Variants in PEA15 observed in about 807,000 individuals in gnomAD.
PEA15 encodes astrocytic phosphoprotein PEA-15.
For missense variants in PEA15, 77 were observed against 161.3 expected, an observed-to-expected ratio of 0.48 and a Z score of 2.83; for synonymous variants, 60 against 61.8, an observed-to-expected ratio of 0.97 and a Z score of 0.13.
Position 160,213,894 on chromosome 1 carries a change from T to G in PEA15, c.*408T>G. 5.2e-6 allele frequency: 1 copy of G among 194,132 alleles called. No individual in the cohort carries two copies. The allele number at this position is 194,132 out of a possible 1,614,324, so 12.0% of individuals were successfully genotyped here. A position where few individuals can be genotyped will look rare whatever the true frequency, so the allele number is the denominator to read the frequency against. On this transcript the variant is annotated 3_prime_UTR_variant, in exon 4 of 4. Transcript: ENST00000360472. This position sits in a 1 kb window ranked among gnomAD's most constrained non-coding sequence, Gnocchi z 5.3. ...ACATAGGGGTAAGGTATGGGAGAGG[T>G]AGGTGGATCCAGGGAAAAGCAGTGG...
At chr1:160,207,391 CAG>C (rs1168288898) in intron 1 of PEA15, among the ~76,000 whole-genome samples, 2 of 152,146 alleles carry the variant, frequency 1.3e-5, no homozygotes, top group African/African-American at 2.4e-5. Context: ...AGAGTGGAAA[CAG>C]AGATGGGCTG....
chr1:160,211,740 C>T lies in PEA15; in HGVS notation c.172+24C>T, dbSNP rs570032273. ...AGGTGGGGGAGGGGAGCACAGGGGTCCTGTCATCAGTCATTCAGGCTCAGT... is the reference window on the plus strand; with the variant it reads ...AGGTGGGGGAGGGGAGCACAGGGGTTCTGTCATCAGTCATTCAGGCTCAGT... On this transcript the variant is annotated intron_variant, in intron 2 of 3. Coordinates refer to ENST00000360472, the MANE Select transcript of PEA15 (RefSeq NM_003768.5). 313 of 1,605,062 alleles carry T rather than the reference C, an allele frequency of 2.0e-4. 2 individuals are homozygous for T. The South Asian group carries it at 3.2e-3, about 17-fold the overall frequency.
Position 160,208,913 on chromosome 1 carries a change from G to C in PEA15, c.-2-2630G>C. On this transcript the variant is annotated intron_variant, in intron 1 of 3. Coordinates refer to ENST00000360472, the MANE Select transcript of PEA15 (RefSeq NM_003768.5). This position sits in a 1 kb window ranked among gnomAD's most constrained non-coding sequence, Gnocchi z 4.1. ...GGGGGTGGGGGGCACCCAGAACTGA[G>C]GTTGCTATAGTAACAGATGAGATGA... The C allele has an allele frequency of 1.9e-6, 1 of 517,948 alleles. No individual in the cohort carries two copies. Among genetic ancestry groups the C allele is most frequent in the Non-Finnish European group, 3.5e-6 (1 of 287,564 alleles). 32.1% of individuals were successfully genotyped at this position (517,948 alleles called of 1,614,324 possible).
At position 160,213,589 on chromosome 1, in the gene PEA15, C is replaced by T. The variant is rs1248148306; in HGVS notation, c.*103C>T. ...GGGCAACCCACCATCTACCCACTTA[C>T]TAACCTGGTCCTAACCCCCTTACTG... On this transcript the variant is annotated 3_prime_UTR_variant, in exon 4 of 4. Transcript: ENST00000360472. This position sits in a 1 kb window ranked among gnomAD's most constrained non-coding sequence, Gnocchi z 5.3. The T allele has an allele frequency of 2.1e-6, 2 of 963,770 alleles. No individual in the cohort carries two copies. Among genetic ancestry groups the T allele is most frequent in the African/African-American group, 1.6e-5 (1 of 61,902 alleles). 59.7% of individuals were successfully genotyped at this position (963,770 alleles called of 1,614,324 possible).
chr1:160,209,035 A>G (rs1407436363), intron 1 of PEA15, among the ~76,000 whole-genome samples: 2 of 151,798 alleles, frequency 1.3e-5, no homozygotes, highest in African/African-American at 4.8e-5. Flanking sequence ...TCCCAACTCC[A>G]GCTCTCTTTC....
Position 160,213,512 on chromosome 1 carries a change from T to C in PEA15, c.*26T>C, listed in dbSNP as rs371465689. The C allele has an allele frequency of 2.2e-5, 35 of 1,607,580 alleles. No homozygotes were observed. Among genetic ancestry groups the C allele is most frequent in the East Asian group, 4.5e-5 (2 of 44,826 alleles). ...GCAAGGGGGAGGAAGAGGAGGAAGG[T>C]TGGACCTTCATCAGACCACTCCCTT... On this transcript the variant is annotated 3_prime_UTR_variant, in exon 4 of 4. Coordinates refer to ENST00000360472, the MANE Select transcript of PEA15 (RefSeq NM_003768.5). This position sits in a 1 kb window ranked among gnomAD's most constrained non-coding sequence, Gnocchi z 5.3.
rs574448815 is a variant in PEA15, at chr1:160,208,800, G to A, written c.-2-2743G>A. The A allele has an allele frequency of 2.4e-5, 17 of 704,536 alleles. No homozygotes were observed. Among genetic ancestry groups the A allele is most frequent in the East Asian group, 2.2e-4 (8 of 36,538 alleles). The allele number at this position is 704,536 out of a possible 1,614,324, so 43.6% of individuals were successfully genotyped here. ...CAACTGGGCTGCCTTTCCTTGTACC[G>A]TCAGGGGGCCTTATTCCTATCCTTT... On this transcript the variant is annotated intron_variant, in intron 1 of 3. Coordinates refer to ENST00000360472, the MANE Select transcript of PEA15 (RefSeq NM_003768.5). This position sits in a 1 kb window ranked among gnomAD's most constrained non-coding sequence, Gnocchi z 4.1.
At position 160,213,514 on chromosome 1, in the gene PEA15, G is replaced by A. The variant is rs373598990; in HGVS notation, c.*28G>A. ...AAGGGGGAGGAAGAGGAGGAAGGTT[G>A]GACCTTCATCAGACCACTCCCTTCC... On this transcript the variant is annotated 3_prime_UTR_variant, in exon 4 of 4. Coordinates refer to ENST00000360472, the MANE Select transcript of PEA15 (RefSeq NM_003768.5). This position sits in a 1 kb window ranked among gnomAD's most constrained non-coding sequence, Gnocchi z 5.3. The A allele has an allele frequency of 5.0e-6, 8 of 1,603,956 alleles. No homozygotes were observed. The highest frequency in any genetic ancestry group is 6.8e-6 in the Non-Finnish European group (8 of 1,171,056).
Position 160,214,224 on chromosome 1 carries a change from A to C in PEA15, c.*738A>C, listed in dbSNP as rs1468305852. ...GAGAGGGGAGCCCCCTCTTCCACTC[A>C]GTTGTTCCTACTCAGACTGTTGCAC... On this transcript the variant is annotated 3_prime_UTR_variant, in exon 4 of 4. Transcript: ENST00000360472. 1 of 152,772 alleles carries C rather than the reference A, an allele frequency of 6.5e-6. No homozygotes were observed. Among genetic ancestry groups the C allele is most frequent in the Non-Finnish European group, 1.5e-5 (1 of 68,182 alleles). 9.5% of individuals were successfully genotyped at this position (152,772 alleles called of 1,614,324 possible).
In PEA15 at chr1:160,205,420, AGCGGCGGCGGCG is replaced by A; in HGVS notation, c.-97_-86del. On this transcript the variant is annotated 5_prime_UTR_variant, in exon 1 of 4. Transcript: ENST00000360472. This position sits in a 1 kb window ranked among gnomAD's most constrained non-coding sequence, Gnocchi z 5.9. ...CGGAAGAGGCGGCGGCGGCGGCAGA[AGCGGCGGCGGCG>A]GCGGCGGGAGCCGAGGAGGAGGTTC... 5.5e-6 allele frequency: 1 copy of A among 182,310 alleles called. No individual in the cohort carries two copies. The highest frequency in any genetic ancestry group is 1.7e-4 in the East Asian group (1 of 5,834). 11.3% of individuals were successfully genotyped at this position (182,310 alleles called of 1,614,324 possible).
rs1182546829 is a variant in PEA15 at position 160,208,899 on chromosome 1, G to T, written c.-2-2644G>T. ...TCATCCTAACGACTGGGGGTGGGGGGCACCCAGAACTGAGGTTGCTATAGT... is the reference window on the plus strand; with the variant it reads ...TCATCCTAACGACTGGGGGTGGGGGTCACCCAGAACTGAGGTTGCTATAGT... On this transcript the variant is annotated intron_variant, in intron 1 of 3. Coordinates refer to ENST00000360472, the MANE Select transcript of PEA15 (RefSeq NM_003768.5). This position sits in a 1 kb window ranked among gnomAD's most constrained non-coding sequence, Gnocchi z 4.1. The T allele has an allele frequency of 3.7e-6, 2 of 535,926 alleles. No individual in the cohort carries two copies. Among genetic ancestry groups the T allele is most frequent in the Non-Finnish European group, 6.7e-6 (2 of 298,872 alleles). 33.2% of individuals were successfully genotyped at this position (535,926 alleles called of 1,614,324 possible).
chr1:160,213,647 CTG>C lies in PEA15; in HGVS notation c.*163_*164del, dbSNP rs1311938940. 1 of 372,220 alleles carries C rather than the reference CTG, an allele frequency of 2.7e-6. No individual in the cohort carries two copies. Among genetic ancestry groups the C allele is most frequent in the African/African-American group, 2.2e-5 (1 of 44,646 alleles). The allele number at this position is 372,220 out of a possible 1,614,324, so 23.1% of individuals were successfully genotyped here. On this transcript the variant is annotated 3_prime_UTR_variant, in exon 4 of 4. Transcript: ENST00000360472. This position sits in a 1 kb window ranked among gnomAD's most constrained non-coding sequence, Gnocchi z 5.3. ...GTGTGTGCGTGTGCGCACGCTCTGG[CTG>C]TTTGTCTATATGTCTAGCTCATCTA...
At chr1:160,206,920 G>A (rs1654620595) in intron 1 of PEA15, among the ~76,000 whole-genome samples, 1 of 152,154 alleles carries the variant, frequency 6.6e-6, no homozygotes, top group Non-Finnish European at 1.5e-5. Flanking sequence ...CTAGGCTGCA[G>A]GCTTCCCTGG....
In PEA15 at chr1:160,211,786, A is replaced by G. The variant is rs1654886204; in HGVS notation, c.172+70A>G. 8 of 1,466,722 alleles carry G rather than the reference A, an allele frequency of 5.5e-6. No individual in the cohort carries two copies. The Middle Eastern group carries it at 7.1e-4, about 130-fold the overall frequency. 90.9% of individuals were successfully genotyped at this position (1,466,722 alleles called of 1,614,324 possible). ...TCAGTTCATTCAGCAAATAGAGATGAGCTCAAAGCTTTTACATCCACAATG... is the reference window on the plus strand; with the variant it reads ...TCAGTTCATTCAGCAAATAGAGATGGGCTCAAAGCTTTTACATCCACAATG... On this transcript the variant is annotated intron_variant, in intron 2 of 3. Coordinates refer to ENST00000360472, the MANE Select transcript of PEA15 (RefSeq NM_003768.5).
rs1204125603 is a variant in PEA15 at position 160,213,771 on chromosome 1, A to T, written c.*285A>T. 2.4e-6 allele frequency: 1 copy of T among 409,742 alleles called. No individual in the cohort carries two copies. The highest frequency in any genetic ancestry group is 4.5e-6 in the Non-Finnish European group (1 of 220,954). The allele number at this position is 409,742 out of a possible 1,614,324, so 25.4% of individuals were successfully genotyped here. A position where few individuals can be genotyped will look rare whatever the true frequency, so the allele number is the denominator to read the frequency against. On this transcript the variant is annotated 3_prime_UTR_variant, in exon 4 of 4. Transcript: ENST00000360472. The surrounding 1 kb of genome is among the most constrained non-coding windows in gnomAD (Gnocchi z 5.3). Reference sequence around the variant, plus strand: ...TGGGGGCTATTTCTATGCAAATAGAAATCAGCACATTCCTCCTACTTCCCT... The same window carrying T: ...TGGGGGCTATTTCTATGCAAATAGATATCAGCACATTCCTCCTACTTCCCT...
At position 160,208,039 on chromosome 1, in the gene PEA15, T is replaced by G. The variant is rs576796842; in HGVS notation, c.-3+2517T>G. Among the ~76,000 whole-genome samples the G allele has an allele frequency of 6.6e-5, 10 of 152,294 alleles. No homozygotes were observed. Among genetic ancestry groups the G allele is most frequent in the Admixed American group, 5.2e-4 (8 of 15,308 alleles). ...TAATCTTCAGGCTTCCTTCTCGAAT[T>G]TACAGAGGATTTGGAACCAAACGTT... is the stretch of plus-strand genomic sequence containing the variant. On this transcript the variant is annotated intron_variant, in intron 1 of 3. Transcript: ENST00000360472. The surrounding 1 kb of genome is among the most constrained non-coding windows in gnomAD (Gnocchi z 4.1).
intron 2 of PEA15, among the ~76,000 whole-genome samples, chr1:160,211,935 T>C (rs1389040735): frequency 6.6e-6 from 1 of 152,148 alleles, no homozygotes; most frequent in Non-Finnish European, 1.5e-5. Flanking sequence ...TTATCACATA[T>C]ACAACAGAAC....
rs1655009318 is a variant in PEA15, at chr1:160,214,274, T to C, written c.*788T>C. ...CTCTAAACCTAGGGAGGTTGAAGAA[T>C]GAGACCCTTAGGTTTTAACACGAAT... On this transcript the variant is annotated 3_prime_UTR_variant, in exon 4 of 4. Coordinates refer to ENST00000360472, the MANE Select transcript of PEA15 (RefSeq NM_003768.5). The C allele has an allele frequency of 6.6e-6, 1 of 152,638 alleles. No homozygotes were observed. 9.5% of individuals were successfully genotyped at this position (152,638 alleles called of 1,614,324 possible).
intron 2 of PEA15, among the ~76,000 whole-genome samples, chr1:160,212,654 T>C (rs1055402783): frequency 3.3e-5 from 5 of 151,808 alleles, no homozygotes; most frequent in Non-Finnish European, 7.4e-5. Context: ...TCATTTAGAA[T>C]AACCTTTCTC....
Sources: allele counts gnomAD v4.1 joint callset (sites outside exome capture counted in the v4.1 genomes callset), GRCh38; gene constraint gnomAD v4.1.1; non-coding constraint Gnocchi (gnomAD v3.1); transcripts MANE v1.5; gene names NCBI Gene and HGNC (gene_info 2026-07-23, HGNC 2026-07-21).